The following MITF variants were observed in gnomAD, a reference collection of about 807,000 sequenced individuals.
The protein encoded by MITF is melanocyte inducing transcription factor.
A neutral mutation model predicts 60.5 loss-of-function variants in MITF; 17 were observed. The observed-to-expected ratio is 0.28, with a 90% CI of 0.19 to 0.42. MITF has a LOEUF of 0.42. Ranked by LOEUF, MITF falls within the 10% of genes least tolerant of loss-of-function variation. The pLI is 1.00. For synonymous variants in MITF, 260 were observed against 248.5 expected (o/e 1.05, Z -0.43); for missense variants, 622 against 683.5 (o/e 0.91, Z 1.00).
At position 69,939,149 on chromosome 3, in the gene MITF, A is replaced by C; in HGVS notation, c.634A>C (p.Met212Leu). The change falls in exon 4 of 10, where the codon ATG becomes CTG. Residue 212 changes from methionine to leucine, a missense_variant. This residue lies in a region of MITF where 215 missense variants were observed against 224.8 expected (regional missense o/e 0.96). Coordinates refer to ENST00000352241, the MANE Select transcript of MITF (RefSeq NM_001354604.2). ...CAGGGCAGAGAGCGAGTGCCCAGGC[A>C]TGAACACACATTCACGAGCGTCCTG... Reference protein sequence around the residue: ...QNRAESECPGMNTHSRASCMQ... With the variant: ...QNRAESECPGLNTHSRASCMQ... 6.2e-7 allele frequency: 1 copy of C among 1,614,140 alleles called. No individual in the cohort carries two copies. The highest frequency in any genetic ancestry group is 8.5e-7 in the Non-Finnish European group (1 of 1,180,014).
chr3:69,753,008 G>A (rs549433506), intron 1 of MITF, among the ~76,000 whole-genome samples: 2 of 152,168 alleles, frequency 1.3e-5, no homozygotes, highest in Admixed American at 1.3e-4. Context: ...CCAACACAAC[G>A]GGGAGAAGGC....
intron 1 of MITF, among the ~76,000 whole-genome samples, chr3:69,753,387 A>G (rs1393843106): frequency 6.6e-6 from 1 of 152,074 alleles, no homozygotes; most frequent in Non-Finnish European, 1.5e-5. Flanking sequence ...TCATAAAGAA[A>G]CTCTACTAGG....
At chr3:69,911,074 G>C (rs765360860) in intron 2 of MITF, among the ~76,000 whole-genome samples, 3 of 152,034 alleles carry the variant, frequency 2.0e-5, no homozygotes, top group Non-Finnish European at 4.4e-5. Context: ...TGAATCATGG[G>C]GGGCCAGTCT....
At chr3:69,825,498 A>T (rs908562225) in intron 1 of MITF, among the ~76,000 whole-genome samples, 2 of 152,174 alleles carry the variant, frequency 1.3e-5, no homozygotes, top group African/African-American at 2.4e-5. Flanking sequence ...GACCTAGTGG[A>T]TGAGTTCAGT....
At chr3:69,800,796 C>T (rs17689208) in intron 1 of MITF, among the ~76,000 whole-genome samples, 6,893 of 152,048 alleles carry the variant, frequency 0.045, 263 homozygotes, top group Non-Finnish European at 0.064. Flanking sequence ...TTTGAATGGG[C>T]CCTCTGTAGC....
chr3:69,796,286 T>G (rs1575727005), intron 1 of MITF, among the ~76,000 whole-genome samples: 1 of 152,128 alleles, frequency 6.6e-6, no homozygotes, highest in East Asian at 1.9e-4. Flanking sequence ...TGGCCTCTGT[T>G]GCTATTTTTG....
chr3:69,906,940 A>T (rs747155130), intron 2 of MITF, among the ~76,000 whole-genome samples: 1 of 152,118 alleles, frequency 6.6e-6, no homozygotes, highest in African/African-American at 2.4e-5. Context: ...TTAATTGGCT[A>T]CTTAATATAT....
chr3:69,800,090 G>A (rs560555067), intron 1 of MITF, among the ~76,000 whole-genome samples: 2 of 152,098 alleles, frequency 1.3e-5, no homozygotes, highest in East Asian at 1.9e-4. Context: ...AAGAAGCTTC[G>A]TACCTATTAG....
chr3:69,890,901 A>G (rs1041555385), intron 2 of MITF, among the ~76,000 whole-genome samples: 7 of 152,192 alleles, frequency 4.6e-5, no homozygotes, highest in African/African-American at 1.7e-4. Flanking sequence ...AAGAGCCTAT[A>G]AAGTCACATT....
chr3:69,755,739 G>C (rs1386606891), intron 1 of MITF, among the ~76,000 whole-genome samples: 1 of 152,010 alleles, frequency 6.6e-6, no homozygotes, highest in South Asian at 2.1e-4. Flanking sequence ...TTACAGTTTA[G>C]TCATTGACTA....
chr3:69,836,317 A>G (rs1343079692), intron 1 of MITF, among the ~76,000 whole-genome samples: 1 of 152,176 alleles, frequency 6.6e-6, no homozygotes, highest in Non-Finnish European at 1.5e-5. Context: ...TTTAATGTTG[A>G]TTTTTGTATC....
chr3:69,959,400 C>T lies in MITF; in HGVS notation c.1159C>T (p.His387Tyr), dbSNP rs140374965. The T allele has an allele frequency of 1.4e-4, 227 of 1,613,790 alleles. No homozygotes were observed. Among genetic ancestry groups the T allele is most frequent in the Non-Finnish European group, 1.9e-4 (222 of 1,179,874 alleles). ...RQKKLEHANRHLLLRIQELEM... is the reference protein window; with the variant it reads ...RQKKLEHANRYLLLRIQELEM... Reference sequence around the variant, plus strand: ...GAAGAAACTGGAGCACGCCAACCGGCATTTGTTGCTCAGAATACAGGTACG... The same window carrying T: ...GAAGAAACTGGAGCACGCCAACCGGTATTTGTTGCTCAGAATACAGGTACG... Residue 387 changes from histidine (H) to tyrosine (Y), a missense_variant, in exon 9 of 10, where the codon CAT becomes TAT. Around this residue, in one of 5 missense-constraint regions of MITF, gnomAD observed 224 missense variants for 209.5 expected, o/e 1.07. Coordinates refer to ENST00000352241, the MANE Select transcript of MITF (RefSeq NM_001354604.2).
intron 3 of MITF, chr3:69,938,339 C>A: frequency 1.3e-6 from 2 of 1,567,978 alleles, no homozygotes; most frequent in East Asian, 2.3e-5. Flanking sequence ...CTCTTCTCTT[C>A]CATGCCTTTC....
At chr3:69,854,737 G>A (rs1350160460) in intron 1 of MITF, among the ~76,000 whole-genome samples, 4 of 152,132 alleles carry the variant, frequency 2.6e-5, no homozygotes, top group African/African-American at 9.7e-5. Context: ...GTGCATTGTA[G>A]GATGTTTAAC....
At chr3:69,945,264 A>T (rs149722533) in intron 5 of MITF, among the ~76,000 whole-genome samples, 3 of 152,310 alleles carry the variant, frequency 2.0e-5, no homozygotes, top group Admixed American at 2.0e-4. Context: ...TCAGACCAGT[A>T]TGGGGGCATA....
intron 9 of MITF, among the ~76,000 whole-genome samples, chr3:69,959,788 T>C (rs1351736890): frequency 6.6e-6 from 1 of 152,242 alleles, no homozygotes; most frequent in African/African-American, 2.4e-5. Context: ...TTGTGGTTTC[T>C]GTTGGTGATT....
At chr3:69,762,139 A>G (rs939610767) in intron 1 of MITF, among the ~76,000 whole-genome samples, 3 of 152,292 alleles carry the variant, frequency 2.0e-5, no homozygotes, top group Admixed American at 6.5e-5. Context: ...GGGTGTTAAG[A>G]GCATTAGTCA....
intron 1 of MITF, among the ~76,000 whole-genome samples, chr3:69,745,808 A>G (rs1202299711): frequency 1.3e-5 from 2 of 152,082 alleles, no homozygotes; most frequent in Non-Finnish European, 2.9e-5. Context: ...TGGAGTCTCA[A>G]TTTCTCTAAG....
chr3:69,935,028 A>G (rs1053892375), intron 2 of MITF, among the ~76,000 whole-genome samples: 1 of 152,248 alleles, frequency 6.6e-6, no homozygotes, highest in African/African-American at 2.4e-5. Flanking sequence ...TGCAGTTTTT[A>G]TCTGCTGTTC....
Sources: allele counts gnomAD v4.1 joint callset (sites outside exome capture counted in the v4.1 genomes callset), GRCh38; gene constraint gnomAD v4.1.1; regional missense constraint gnomAD v4.1.1; transcripts MANE v1.5; gene names NCBI Gene and HGNC (gene_info 2026-07-23, HGNC 2026-07-21).